ANKRD46: variants seen among roughly 807,000 people sequenced by gnomAD.
ANKRD46 encodes the protein ankyrin repeat domain 46.
ANKRD46 carries 13 observed loss-of-function variants against 19.8 expected under a neutral mutation model. The ratio of observed to expected loss-of-function variants is 0.66; its 90% CI spans 0.43 to 1.04. ANKRD46 has a LOEUF of 1.04. ANKRD46 is among the 50% of genes least tolerant of loss of function. The pLI, the probability that ANKRD46 is intolerant of heterozygous loss-of-function variation, is 0.00. For missense variants in ANKRD46, 185 were observed against 274.8 expected (o/e 0.67, Z 2.31); for synonymous variants, 91 against 106.9 (o/e 0.85, Z 0.92).
chr8:100,539,447 A>G (rs1402795794), intron 1 of ANKRD46, among the ~76,000 whole-genome samples: 1 of 152,266 alleles, frequency 6.6e-6, no homozygotes, highest in Non-Finnish European at 1.5e-5. Flanking sequence ...GGAGTTTATA[A>G]GCAGAATCTT....
chr8:100,539,350 C>G (rs189794255), intron 1 of ANKRD46, among the ~76,000 whole-genome samples: 1 of 152,310 alleles, frequency 6.6e-6, no homozygotes, highest in African/African-American at 2.4e-5. Flanking sequence ...AAGAGTTGCT[C>G]TCTTTCTGTG....
downstream of ANKRD46, among the ~76,000 whole-genome samples, chr8:100,518,536 T>G (rs1044905893): frequency 6.6e-6 from 1 of 152,136 alleles, no homozygotes; most frequent in Non-Finnish European, 1.5e-5. Flanking sequence ...GTTGTATTCT[T>G]GGAAAATTCA....
chr8:100,550,744 G>A lies in ANKRD46; in HGVS notation c.-131+8967C>T, dbSNP rs116876480. On this transcript the variant is annotated intron_variant, in intron 1 of 4. Transcript: ENST00000335659. The surrounding 1 kb of genome is among the most constrained non-coding windows in gnomAD (Gnocchi z 4.4). Reference sequence around the variant, plus strand: ...CAGTCTTACTCCTTGGAGGCCATATGGGCCACCACCCTGTTGCTGTAGCCA... The same window carrying A: ...CAGTCTTACTCCTTGGAGGCCATATAGGCCACCACCCTGTTGCTGTAGCCA... The A allele has an allele frequency of 1.1e-4, 45 of 425,744 alleles. No homozygotes were observed. The East Asian group carries it at 2.7e-3, about 25-fold the overall frequency. The allele number at this position is 425,744 out of a possible 1,614,324, so 26.4% of individuals were successfully genotyped here.
At chr8:100,538,085 A>G (rs909108887) in intron 1 of ANKRD46, among the ~76,000 whole-genome samples, 4 of 152,258 alleles carry the variant, frequency 2.6e-5, no homozygotes, top group Non-Finnish European at 4.4e-5. Flanking sequence ...AATGCCTGGC[A>G]CATTAAGTTT....
chr8:100,558,027 C>T (rs1812534701), intron 1 of ANKRD46, among the ~76,000 whole-genome samples: 1 of 152,218 alleles, frequency 6.6e-6, no homozygotes, highest in Non-Finnish European at 1.5e-5. Flanking sequence ...ATTTTGTTCA[C>T]TCTCACATCC....
At chr8:100,515,084 TG>T (rs1376370258) in intron 5 of ANKRD46, among the ~76,000 whole-genome samples, 1 of 152,144 alleles carries the variant, frequency 6.6e-6, no homozygotes, top group Non-Finnish European at 1.5e-5. Flanking sequence ...AGGCAGTAAA[TG>T]TTTTTTTGTT....
intron 1 of ANKRD46, among the ~76,000 whole-genome samples, chr8:100,555,823 G>A (rs1228576240): frequency 7.2e-6 from 1 of 138,420 alleles, no homozygotes; most frequent in Admixed American, 8.0e-5. Flanking sequence ...TAAAAAATCA[G>A]TAGCTATAAC....
At position 100,520,816 on chromosome 8, in the gene ANKRD46, T is replaced by A. The variant is rs1473075244; in HGVS notation, c.*1739A>T. 6.1e-6 allele frequency: 6 copies of A among 982,380 alleles called. No homozygotes were observed. The African/African-American group carries it at 1.1e-4, about 17-fold the overall frequency. 60.9% of individuals were successfully genotyped at this position (982,380 alleles called of 1,614,324 possible). ...ATTTATTGGTGGTATTCCTGAATGATGAATGCAGAGAACAGAATACAAAGA... is the reference window on the plus strand; with the variant it reads ...ATTTATTGGTGGTATTCCTGAATGAAGAATGCAGAGAACAGAATACAAAGA... On this transcript the variant is annotated 3_prime_UTR_variant, in exon 5 of 5. Coordinates refer to ENST00000335659, the MANE Select transcript of ANKRD46 (RefSeq NM_001270377.2).
In ANKRD46 at chr8:100,546,874, T is replaced by A. The variant is rs986719577; in HGVS notation, c.-131+12837A>T. ...TTAAAGGAGATTTTGGAGTTTAAGA[T>A]TCAATGACTGCCTGGCTGGGTTTCA... is the stretch of plus-strand genomic sequence containing the variant. On this transcript the variant is annotated intron_variant, in intron 1 of 4. Coordinates refer to ENST00000335659, the MANE Select transcript of ANKRD46 (RefSeq NM_001270377.2). The surrounding 1 kb of genome is among the most constrained non-coding windows in gnomAD (Gnocchi z 4.0). 6.6e-6 allele frequency among the ~76,000 whole-genome samples: 1 copy of A among 152,238 alleles called. No individual in the cohort carries two copies. The highest frequency in any genetic ancestry group is 1.5e-5 in the Non-Finnish European group (1 of 68,042).
At chr8:100,551,249 GCAGTTGGTGGTA>G in intron 1 of ANKRD46, 1 of 475,832 alleles carries the variant, frequency 2.1e-6, no homozygotes, top group South Asian at 1.8e-5. Context: ...GGGGGATTAA[GCAGTTGGTGGTA>G]CAGAAGGCAT....
chr8:100,533,975 G>A (rs1360569085), intron 1 of ANKRD46, among the ~76,000 whole-genome samples: 1 of 152,180 alleles, frequency 6.6e-6, no homozygotes, highest in Non-Finnish European at 1.5e-5. Context: ...CACCCTGTCT[G>A]CCCACTCAGC....
chr8:100,520,723 A>C (rs550717484), downstream of ANKRD46: 1 of 869,516 alleles, frequency 1.2e-6, no homozygotes, highest in Non-Finnish European at 1.4e-6. Flanking sequence ...AAATCCCCAA[A>C]TTAAAACTAT....
Position 100,521,902 on chromosome 8 carries a change from A to G in ANKRD46, c.*653T>C. The G allele has an allele frequency of 1.0e-6, 1 of 984,612 alleles. No homozygotes were observed. The highest frequency in any genetic ancestry group is 1.2e-6 in the Non-Finnish European group (1 of 829,138). The allele number at this position is 984,612 out of a possible 1,614,324, so 61.0% of individuals were successfully genotyped here. A position where few individuals can be genotyped will look rare whatever the true frequency, so the allele number is the denominator to read the frequency against. ...CAGATATTAACAAGCAAAGCAGTTT[A>G]CAAAAAGATCAAAAATTATCCTAAA... is the stretch of plus-strand genomic sequence containing the variant. On this transcript the variant is annotated 3_prime_UTR_variant, in exon 5 of 5. Coordinates refer to ENST00000335659, the MANE Select transcript of ANKRD46 (RefSeq NM_001270377.2).
chr8:100,530,975 CAT>C (rs1811951714), intron 2 of ANKRD46, among the ~76,000 whole-genome samples: 1 of 152,192 alleles, frequency 6.6e-6, no homozygotes, highest in African/African-American at 2.4e-5. Flanking sequence ...AGTTTGCCCA[CAT>C]CTCTTTCACA....
In ANKRD46 at chr8:100,544,647, G is replaced by C. The variant is rs557354217; in HGVS notation, c.-130-11336C>G. Among the ~76,000 whole-genome samples the C allele has an allele frequency of 6.6e-6, 1 of 152,246 alleles. No homozygotes were observed. Among genetic ancestry groups the C allele is most frequent in the Admixed American group, 6.5e-5 (1 of 15,284 alleles). On this transcript the variant is annotated intron_variant, in intron 1 of 4. Transcript: ENST00000335659. This position sits in a 1 kb window ranked among gnomAD's most constrained non-coding sequence, Gnocchi z 4.4. ...AGGTCCTAACTCGGCCATTTTCTAAGGCACTATCTTGAGTAGTCCAACTCT... is the reference window on the plus strand; with the variant it reads ...AGGTCCTAACTCGGCCATTTTCTAACGCACTATCTTGAGTAGTCCAACTCT...
At chr8:100,516,775 G>A (rs1197135745), downstream of ANKRD46, among the ~76,000 whole-genome samples, 1 of 152,188 alleles carries the variant, frequency 6.6e-6, no homozygotes, top group Non-Finnish European at 1.5e-5. Flanking sequence ...ATACAGTTGT[G>A]CGTGTTAAGA....
chr8:100,558,818 T>G (rs1383886600), intron 1 of ANKRD46, among the ~76,000 whole-genome samples: 1 of 152,102 alleles, frequency 6.6e-6, no homozygotes, highest in South Asian at 2.1e-4. Context: ...ATCTGTATAA[T>G]GGAAATGGTA....
At chr8:100,540,041 T>C (rs1186220549) in intron 1 of ANKRD46, among the ~76,000 whole-genome samples, 1 of 152,234 alleles carries the variant, frequency 6.6e-6, no homozygotes, top group East Asian at 1.9e-4. Flanking sequence ...ACTATGCAAA[T>C]AATTGCTTGG....
In ANKRD46 at chr8:100,550,801, C is replaced by A. The variant is rs1202593158; in HGVS notation, c.-131+8910G>T. 2.2e-6 allele frequency: 1 copy of A among 458,980 alleles called. No homozygotes were observed. The highest frequency in any genetic ancestry group is 4.2e-6 in the Non-Finnish European group (1 of 237,700). 28.4% of individuals were successfully genotyped at this position (458,980 alleles called of 1,614,324 possible). ...CTGTTGTACGAGGAAATGAGCTTGA[C>A]AAAGTGGTCACTGAGGGCAATGGCA... On this transcript the variant is annotated intron_variant, in intron 1 of 4. Transcript: ENST00000335659. This position sits in a 1 kb window ranked among gnomAD's most constrained non-coding sequence, Gnocchi z 4.4.
Sources: gnomAD v4.1 joint callset for allele counts (sites outside exome capture counted in the v4.1 genomes callset) on GRCh38, gnomAD v4.1.1 for gene constraint, Gnocchi (gnomAD v3.1) non-coding constraint, MANE v1.5 for transcripts, NCBI Gene and HGNC (gene_info 2026-07-23, HGNC 2026-07-21) for gene names.